OGDH: variants seen among roughly 807,000 people sequenced by gnomAD.
The protein encoded by OGDH is 2-oxoglutarate dehydrogenase complex component E1.
Under a neutral mutation model 116.6 loss-of-function variants are expected in OGDH, and 38 were observed. That is an observed-to-expected ratio of 0.33 (90% CI 0.25 to 0.43). The LOEUF (loss-of-function observed/expected upper bound fraction) is 0.43, where lower values mean the gene tolerates loss of function less well. Ranked by LOEUF, OGDH falls within the 20% of genes least tolerant of loss-of-function variation. OGDH has a pLI of 1.00. For synonymous variants in OGDH, 488 were observed against 533.3 expected (o/e 0.92, Z 1.17); for missense variants, 825 against 1,357.2 (o/e 0.61, Z 6.16).
intron 2 of OGDH, among the ~76,000 whole-genome samples, chr7:44,633,058 C>T (rs141548968): frequency 0.064 from 9,749 of 151,152 alleles, 397 homozygotes; most frequent in East Asian, 0.12. Flanking sequence ...TCGAGACCAT[C>T]CTGGCTAACA....
chr7:44,659,844 T>G (rs1226994518), intron 4 of OGDH, among the ~76,000 whole-genome samples: 9 of 152,340 alleles, frequency 5.9e-5, no homozygotes, highest in Admixed American at 5.9e-4. Context: ...TGTAAGAGAT[T>G]TGTCGATGTT....
At chr7:44,676,932 G>A (rs1157903522) in intron 9 of OGDH, among the ~76,000 whole-genome samples, 1 of 152,090 alleles carries the variant, frequency 6.6e-6, no homozygotes, top group Non-Finnish European at 1.5e-5. Context: ...GGGAGTTCAC[G>A]GGCTGGTAGG....
intron 2 of OGDH, among the ~76,000 whole-genome samples, chr7:44,634,338 A>G (rs1452917894): frequency 6.6e-6 from 1 of 152,206 alleles, no homozygotes; most frequent in Non-Finnish European, 1.5e-5. Flanking sequence ...CCTTAGGGAC[A>G]TCCGTTTGGG....
At chr7:44,653,310 C>G (rs1333922720) in intron 4 of OGDH, among the ~76,000 whole-genome samples, 1 of 152,078 alleles carries the variant, frequency 6.6e-6, no homozygotes, top group Non-Finnish European at 1.5e-5. Context: ...TCAGGCTGGC[C>G]TTGAACTCCT....
At chr7:44,702,348 G>A (rs945871082) in intron 20 of OGDH, among the ~76,000 whole-genome samples, 16 of 152,246 alleles carry the variant, frequency 1.1e-4, no homozygotes, top group African/African-American at 2.2e-4. Flanking sequence ...AACACTGGAC[G>A]GCAGGTCCTG....
At chr7:44,705,755 A>C (rs1789042830) in intron 20 of OGDH, among the ~76,000 whole-genome samples, 1 of 151,964 alleles carries the variant, frequency 6.6e-6, no homozygotes, top group Non-Finnish European at 1.5e-5. Flanking sequence ...TCCTCTTCTT[A>C]TTGTTCATTG....
chr7:44,680,652 T>G (rs1238321785), intron 9 of OGDH, among the ~76,000 whole-genome samples: 1 of 152,104 alleles, frequency 6.6e-6, no homozygotes, highest in African/African-American at 2.4e-5. Context: ...CTAGAAATGA[T>G]GATATCCTGG....
chr7:44,690,360 A>G (rs1361949901), intron 10 of OGDH, among the ~76,000 whole-genome samples: 2 of 152,194 alleles, frequency 1.3e-5, no homozygotes, highest in South Asian at 2.1e-4. Flanking sequence ...ATTTGGCCCT[A>G]AAGGTTCCTT....
intron 4 of OGDH, among the ~76,000 whole-genome samples, chr7:44,650,342 T>C (rs538326388): frequency 1.5e-3 from 233 of 152,280 alleles, no homozygotes; most frequent in Middle Eastern, 6.8e-3. Context: ...GCCGGGACTC[T>C]GGAGCCACAC....
chr7:44,701,744 A>G (rs1788840085), intron 20 of OGDH, 129 bp downstream of exon 20: 1 of 905,252 alleles, frequency 1.1e-6, no homozygotes, highest in Admixed American at 2.0e-5. Flanking sequence ...TTTTGGTTGT[A>G]AAGACCCGTG....
intron 20 of OGDH, among the ~76,000 whole-genome samples, chr7:44,706,728 C>T (rs1334994380): frequency 3.3e-5 from 5 of 150,908 alleles, no homozygotes; most frequent in African/African-American, 1.2e-4. Flanking sequence ...CCAACCGATT[C>T]TTCCACCTCA....
intron 19 of OGDH, 136 bp downstream of exon 19, chr7:44,700,405 G>T (rs902120878): frequency 4.4e-6 from 5 of 1,140,522 alleles, no homozygotes; most frequent in Non-Finnish European, 6.1e-6. Flanking sequence ...AGGACATGGT[G>T]TCAGGGAGCC....
chr7:44,683,800 C>T (rs1166520127), intron 10 of OGDH, among the ~76,000 whole-genome samples: 1 of 152,190 alleles, frequency 6.6e-6, no homozygotes, highest in African/African-American at 2.4e-5. Flanking sequence ...AGGCCTGATA[C>T]ATATCACCTG....
intron 4 of OGDH, among the ~76,000 whole-genome samples, chr7:44,665,888 G>A (rs943649337): frequency 1.1e-4 from 17 of 152,202 alleles, no homozygotes; most frequent in African/African-American, 3.4e-4. Flanking sequence ...GATGAAACAA[G>A]CATATAATGC....
At chr7:44,661,076 T>G (rs1177720470) in intron 4 of OGDH, among the ~76,000 whole-genome samples, 1 of 152,216 alleles carries the variant, frequency 6.6e-6, no homozygotes, top group Non-Finnish European at 1.5e-5. Flanking sequence ...AATGTGGGTT[T>G]GTCTCTTTCT....
At chr7:44,626,801 G>A (rs535680911) in intron 2 of OGDH, among the ~76,000 whole-genome samples, 1 of 152,246 alleles carries the variant, frequency 6.6e-6, no homozygotes, top group Non-Finnish European at 1.5e-5. Flanking sequence ...GGAATCACAT[G>A]CATGCTCTGC....
intron 5 of OGDH, 141 bp from the exon 6 acceptor site, chr7:44,673,646 C>A: frequency 1.2e-6 from 1 of 808,648 alleles, no homozygotes; most frequent in Non-Finnish European, 2.0e-6. Context: ...CCATCCCATC[C>A]TCAGTCACAC....
chr7:44,682,373 G>A (rs768869517), intron 10 of OGDH, among the ~76,000 whole-genome samples: 4 of 148,784 alleles, frequency 2.7e-5, no homozygotes, highest in East Asian at 2.0e-4. Context: ...CAACAAGAGC[G>A]AAACTCCATT....
intron 3 of OGDH, among the ~76,000 whole-genome samples, chr7:44,646,825 A>C (rs1198266894): frequency 6.6e-6 from 1 of 151,972 alleles, no homozygotes; most frequent in Non-Finnish European, 1.5e-5. Context: ...CAGAGCCCTC[A>C]CTCCTCACGG....
Sources: allele counts gnomAD v4.1 joint callset (sites outside exome capture counted in the v4.1 genomes callset), GRCh38; gene constraint gnomAD v4.1.1; transcripts MANE v1.5; gene names NCBI Gene and HGNC (gene_info 2026-07-23, HGNC 2026-07-21).